Variants in CENPK observed in about 807,000 individuals in gnomAD.
CENPK encodes the protein SoxLZ/Sox6-binding protein Solt.
Under a neutral mutation model 40.9 loss-of-function variants are expected in CENPK, and 46 were observed. The observed-to-expected ratio is 1.13, with a 90% CI of 0.89 to 1.44. The LOEUF (loss-of-function observed/expected upper bound fraction) is 1.44. CENPK is among the 40% of genes most tolerant of loss of function. The probability of loss-of-function intolerance (pLI) is 0.00; values close to 1 mark genes in which losing one functional copy is unlikely to be tolerated. For synonymous variants in CENPK, 107 were observed against 104.4 expected, an observed-to-expected ratio of 1.02 and a Z score of -0.15; for missense variants, 288 against 303.5, an observed-to-expected ratio of 0.95 and a Z score of 0.38.
intron 3 of CENPK, among the ~76,000 whole-genome samples, chr5:65,554,404 C>T (rs1352966110): frequency 1.3e-5 from 2 of 152,174 alleles, no homozygotes; most frequent in Admixed American, 6.5e-5. Context: ...CCAGCCTCGG[C>T]CTCCCAAAAT....
At chr5:65,506,211 C>T in the CENPK span, among the ~76,000 whole-genome samples, 1 of 133,768 alleles carries the variant, frequency 7.5e-6, no homozygotes, top group Non-Finnish European at 1.6e-5. Flanking sequence ...TAGCAAGATC[C>T]CATTTCTTAA....
chr5:65,527,510 T>TG (rs1744921540), intron 9 of CENPK, among the ~76,000 whole-genome samples: 5 of 4,216 alleles, frequency 1.2e-3, no homozygotes, highest in Non-Finnish European at 1.6e-3. Flanking sequence ...TATATATATA[T>TG]ATATATATAT....
chr5:65,527,988 C>G (rs935132231), intron 9 of CENPK, among the ~76,000 whole-genome samples: 1 of 152,144 alleles, frequency 6.6e-6, no homozygotes, highest in African/African-American at 2.4e-5. Context: ...AGCATCTAAT[C>G]GTCCCACTTG....
At chr5:65,509,080 A>G in the CENPK span, among the ~76,000 whole-genome samples, 2 of 152,190 alleles carry the variant, frequency 1.3e-5, no homozygotes, top group African/African-American at 4.8e-5. Flanking sequence ...CCCACTTTAA[A>G]CATGGGCAAA....
downstream of CENPK, among the ~76,000 whole-genome samples, chr5:65,514,626 G>T (rs1742742240): frequency 6.6e-6 from 1 of 152,074 alleles, no homozygotes; most frequent in African/African-American, 2.4e-5. Context: ...GTACAAAATT[G>T]GCATCACTTG....
At chr5:65,552,662 T>A (rs1198262714) in intron 3 of CENPK, 113 bp from the exon 4 acceptor site, 7 of 534,678 alleles carry the variant, frequency 1.3e-5, no homozygotes, top group Non-Finnish European at 2.3e-5. Context: ...CACAAACATC[T>A]GATGGAGAAG....
chr5:65,548,366 G>T (rs995673661), intron 5 of CENPK, among the ~76,000 whole-genome samples: 1 of 152,126 alleles, frequency 6.6e-6, no homozygotes, highest in Non-Finnish European at 1.5e-5. Context: ...CTGAGCCTTC[G>T]GTGAGTTGTA....
chr5:65,498,692 C>A, the CENPK span, among the ~76,000 whole-genome samples: 1 of 145,896 alleles, frequency 6.9e-6, no homozygotes, highest in Non-Finnish European at 1.5e-5. Flanking sequence ...CAGGGTCTCA[C>A]TCCACCCAGG....
chr5:65,545,334 A>G (rs1045923066), intron 5 of CENPK, among the ~76,000 whole-genome samples: 1,762 of 10,234 alleles, frequency 0.17, 81 homozygotes, highest in East Asian at 0.24. Flanking sequence ...GCACACACAC[A>G]CACACACACA....
chr5:65,531,783 T>C (rs1028972892), intron 6 of CENPK, among the ~76,000 whole-genome samples: 1 of 152,052 alleles, frequency 6.6e-6, no homozygotes, highest in Non-Finnish European at 1.5e-5. Context: ...ATTACAGGCG[T>C]GAGCCACTGC....
the CENPK span, among the ~76,000 whole-genome samples, chr5:65,509,621 G>A: frequency 1.5e-4 from 23 of 152,046 alleles, no homozygotes; most frequent in Non-Finnish European, 2.8e-4. Context: ...GATTTTGTAC[G>A]GACATATTTT....
chr5:65,540,352 C>G (rs1344232299), intron 6 of CENPK, among the ~76,000 whole-genome samples: 1 of 152,156 alleles, frequency 6.6e-6, no homozygotes, highest in Admixed American at 6.5e-5. Flanking sequence ...CTCTCTGCCT[C>G]TTTATAATAA....
At chr5:65,516,137 A>T (rs1011383467), downstream of CENPK, among the ~76,000 whole-genome samples, 1 of 152,178 alleles carries the variant, frequency 6.6e-6, no homozygotes, top group Non-Finnish European at 1.5e-5. Context: ...GGGCTTCAAC[A>T]TATAAATCTG....
chr5:65,549,450 T>C (rs949515422), intron 5 of CENPK, among the ~76,000 whole-genome samples: 25 of 152,208 alleles, frequency 1.6e-4, no homozygotes, highest in African/African-American at 6.0e-4. Context: ...CTTTTGAAGC[T>C]TTGGAGCCAG....
chr5:65,517,285 T>C (rs1286838851), downstream of CENPK, among the ~76,000 whole-genome samples: 1 of 152,168 alleles, frequency 6.6e-6, no homozygotes, highest in South Asian at 2.1e-4. Context: ...ACACCAAAAG[T>C]GTTTTGCTAG....
intron 2 of CENPK, among the ~76,000 whole-genome samples, chr5:65,555,989 TGAC>T (rs1270644035): frequency 1.3e-5 from 2 of 152,332 alleles, no homozygotes; most frequent in Non-Finnish European, 1.5e-5. Flanking sequence ...CACTACATAA[TGAC>T]ATTTTGGTCA....
the CENPK span, among the ~76,000 whole-genome samples, chr5:65,509,240 T>A: frequency 1.3e-5 from 2 of 152,196 alleles, no homozygotes; most frequent in Non-Finnish European, 2.9e-5. Context: ...TGGTCTCACC[T>A]CTATATTAAG....
At chr5:65,498,095 T>G in the CENPK span, among the ~76,000 whole-genome samples, 2 of 152,222 alleles carry the variant, frequency 1.3e-5, no homozygotes, top group South Asian at 4.1e-4. Flanking sequence ...TCTGTTGGAT[T>G]TTGCATCTAC....
In CENPK at chr5:65,528,975, A is replaced by T; in HGVS notation, c.414T>A (p.Ser138=). 6.2e-7 allele frequency: 1 copy of T among 1,610,876 alleles called. No individual in the cohort carries two copies. The highest frequency in any genetic ancestry group is 8.5e-7 in the Non-Finnish European group (1 of 1,178,000). The change falls in exon 8 of 11, where the codon TCT becomes TCA. Residue 138 remains serine, a synonymous_variant. Transcript: ENST00000396679. ...WLDEQQQIME[S]LNVLHSELKN... ...TCAATTCACTGTGTAGTACATTAAG[A>T]GATTCCATTATCTGTTGCTGTTCAT... is the stretch of plus-strand genomic sequence containing the variant.
Sources: gnomAD v4.1 joint callset for allele counts (sites outside exome capture counted in the v4.1 genomes callset) on GRCh38, gnomAD v4.1.1 for gene constraint, MANE v1.5 for transcripts, NCBI Gene and HGNC (gene_info 2026-07-23, HGNC 2026-07-21) for gene names.